BRCA1: variants seen among roughly 807,000 people sequenced by gnomAD.
BRCA1 encodes the protein breast cancer type 1 susceptibility protein.
In BRCA1, 140 loss-of-function variants were observed where a neutral mutation model predicts 173.7. That is an observed-to-expected ratio of 0.81 (90% CI 0.70 to 0.93). The LOEUF is 0.93. Among genes scored for constraint, BRCA1 ranks in the 40% least tolerant of loss-of-function variants. BRCA1 has a pLI of 0.00. For missense variants in BRCA1, 1,983 were observed against 2,172.5 expected (o/e 0.91, Z 1.73); for synonymous variants, 662 against 756.0 (o/e 0.88, Z 2.04).
rs80357916 is a variant in BRCA1 at position 43,076,580 on chromosome 17, A to AG, written c.4391dup (p.Ile1465TyrfsTer11). The AG allele has an allele frequency of 6.2e-7, 1 of 1,613,734 alleles. No homozygotes were observed. Among genetic ancestry groups the AG allele is most frequent in the Non-Finnish European group, 8.5e-7 (1 of 1,179,804 alleles). ...AAAGGCCTTCTGGATTCTGGCTTAT[A>AG]GGGTATTCACTACTTTTCTGTGAAG... is the stretch of plus-strand genomic sequence containing the variant. On this transcript the variant is annotated frameshift_variant, in exon 13 of 23. Coordinates refer to ENST00000357654, the MANE Select transcript of BRCA1 (RefSeq NM_007294.4). LOFTEE classifies it high-confidence loss of function.
At chr17:43,141,894 G>A (rs2056078182) in intron 1 of BRCA1, among the ~76,000 whole-genome samples, 1 of 152,168 alleles carries the variant, frequency 6.6e-6, no homozygotes, top group African/African-American at 2.4e-5. Flanking sequence ...GAGCCCAGCA[G>A]TGCAAGGATC....
At chr17:43,143,004 A>G (rs2056089328) in intron 1 of BRCA1, among the ~76,000 whole-genome samples, 1 of 149,714 alleles carries the variant, frequency 6.7e-6, no homozygotes, top group Admixed American at 6.7e-5. Flanking sequence ...ATATATGTAT[A>G]TATGTGTGCA....
intron 2 of BRCA1, among the ~76,000 whole-genome samples, chr17:43,118,761 CTTT>C (rs35150209): frequency 4.4e-5 from 6 of 136,616 alleles, no homozygotes; most frequent in African/African-American, 1.6e-4. Flanking sequence ...GAATGTGAAC[CTTT>C]TTTTTTTTTT....
At chr17:43,082,287 C>A in intron 12 of BRCA1, 117 bp downstream of exon 12, 1 of 1,142,382 alleles carries the variant, frequency 8.8e-7, no homozygotes, top group Non-Finnish European at 1.3e-6. Flanking sequence ...CCATAATTAC[C>A]CATGTGCTGA....
intron 11 of BRCA1, among the ~76,000 whole-genome samples, chr17:43,085,652 C>T (rs1397079467): frequency 6.6e-6 from 1 of 152,010 alleles, no homozygotes; most frequent in African/African-American, 2.4e-5. Flanking sequence ...TCTCATCTTT[C>T]AAGGCCTAGT....
chr17:43,157,808 TCAACATGG>T (rs2056207210), intron 1 of BRCA1, among the ~76,000 whole-genome samples: 1 of 151,208 alleles, frequency 6.6e-6, no homozygotes, highest in Non-Finnish European at 1.5e-5. Context: ...ACCAGCCTGA[TCAACATGG>T]AGACACCCCG....
chr17:43,168,394 T>G (rs1185889047), intron 1 of BRCA1: 1 of 274,714 alleles, frequency 3.6e-6, no homozygotes, highest in South Asian at 3.2e-5. Flanking sequence ...TCACAGCACT[T>G]AGGGAGGCCG....
intron 8 of BRCA1, 39 bp from the exon 9 acceptor site, chr17:43,095,961 T>C: frequency 6.7e-7 from 1 of 1,501,660 alleles, no homozygotes; most frequent in East Asian, 2.3e-5. Flanking sequence ...GAAACACTAG[T>C]TACATGTATG....
intron 2 of BRCA1, among the ~76,000 whole-genome samples, chr17:43,120,453 G>T (rs543313238): frequency 1.6e-4 from 24 of 152,324 alleles, no homozygotes; most frequent in African/African-American, 5.8e-4. Context: ...CCATACAAAT[G>T]AATGTAAAAC....
intron 8 of BRCA1, among the ~76,000 whole-genome samples, chr17:43,096,317 C>T (rs1024896211): frequency 7.3e-6 from 1 of 136,710 alleles, no homozygotes; most frequent in Non-Finnish European, 1.5e-5. Flanking sequence ...GCAGACGTTG[C>T]GGAGAGGTGA....
rs765681061 is a variant in BRCA1 at position 43,045,802 on chromosome 17, G to A, written c.5468C>T (p.Ala1823Val). The change falls in exon 23 of 23, where the codon GCA becomes GTA. Residue 1823 changes from alanine (A) to valine (V), a missense_variant and splice_region_variant. Transcript: ENST00000357654. ...AGGTGCCTCACACATCTGCCCAATTGCTGGAGACAGAGAACACAAGCAGAG... is the reference window on the plus strand; with the variant it reads ...AGGTGCCTCACACATCTGCCCAATTACTGGAGACAGAGAACACAAGCAGAG... ...DAWTEDNGFHAIGQMCEAPVV... is the reference protein window; with the variant it reads ...DAWTEDNGFHVIGQMCEAPVV... 6.2e-7 allele frequency: 1 copy of A among 1,614,144 alleles called. No individual in the cohort carries two copies. Among genetic ancestry groups the A allele is most frequent in the Non-Finnish European group, 8.5e-7 (1 of 1,180,034 alleles).
upstream of BRCA1, chr17:43,125,376 G>C (rs148196794): frequency 4.9e-6 from 2 of 411,404 alleles, no homozygotes; most frequent in Non-Finnish European, 9.9e-6. Flanking sequence ...AGCTCACGCC[G>C]CGCAGTCGCA....
intron 21 of BRCA1, among the ~76,000 whole-genome samples, chr17:43,048,566 G>A (rs1221628489): frequency 6.6e-6 from 1 of 150,598 alleles, no homozygotes; most frequent in Admixed American, 6.6e-5. Context: ...CCAGTCTGGA[G>A]TGCAGTGGTG....
intron 18 of BRCA1, among the ~76,000 whole-genome samples, chr17:43,061,860 T>C (rs994917372): frequency 6.6e-6 from 1 of 152,142 alleles, no homozygotes; most frequent in Non-Finnish European, 1.5e-5. Context: ...GCTGGGATTA[T>C]AGGCATGAGC....
rs28426973 is a variant in BRCA1 at position 43,100,689 on chromosome 17, A to G, written c.442-809T>C. 9.4e-4 allele frequency among the ~76,000 whole-genome samples: 91 copies of G among 96,928 alleles called. 3 individuals are homozygous for G. Among genetic ancestry groups the G allele is most frequent in the East Asian group, 6.7e-3 (25 of 3,754 alleles). The allele number at this position is 96,928 out of a possible 152,430, so 63.6% of individuals were successfully genotyped here. A position where few individuals can be genotyped will look rare whatever the true frequency, so the allele number is the denominator to read the frequency against. ...ATATATATATATATAATATATATATATATATATATATATGTAATCCCAGCA... is the reference window on the plus strand; with the variant it reads ...ATATATATATATATAATATATATATGTATATATATATATGTAATCCCAGCA... On this transcript the variant is annotated intron_variant, in intron 6 of 22. Transcript: ENST00000357654.
At chr17:43,127,445 C>T (rs996964200), upstream of BRCA1, among the ~76,000 whole-genome samples, 6 of 152,114 alleles carry the variant, frequency 3.9e-5, no homozygotes, top group African/African-American at 1.4e-4. Flanking sequence ...CCAATCAGTG[C>T]TCTGTGTCTA....
chr17:43,135,818 G>GA (rs956161304), intron 1 of BRCA1, among the ~76,000 whole-genome samples: 13 of 152,182 alleles, frequency 8.5e-5, no homozygotes, highest in African/African-American at 3.1e-4. Flanking sequence ...AGAGCTGGGC[G>GA]AGAGGCCCTG....
At chr17:43,046,103 G>A (rs1010883673) in intron 22 of BRCA1, among the ~76,000 whole-genome samples, 6 of 151,210 alleles carry the variant, frequency 4.0e-5, no homozygotes, top group African/African-American at 7.3e-5. Context: ...TGTATTTTTA[G>A]TAGAGACGGG....
intron 1 of BRCA1, among the ~76,000 whole-genome samples, chr17:43,169,147 G>A (rs755128424): frequency 5.9e-5 from 9 of 151,936 alleles, no homozygotes; most frequent in Non-Finnish European, 1.0e-4. Flanking sequence ...TTCCGCAAGG[G>A]CCCATCTTCT....
Sources: allele counts gnomAD v4.1 joint callset (sites outside exome capture counted in the v4.1 genomes callset), GRCh38; gene constraint gnomAD v4.1.1; transcripts MANE v1.5; gene names NCBI Gene and HGNC (gene_info 2026-07-23, HGNC 2026-07-21).